The following PACRGL variants were observed in gnomAD, a reference collection of about 807,000 sequenced individuals.
PACRGL encodes PACRG-like protein.
PACRGL carries 38 observed loss-of-function variants against 34.5 expected under a neutral mutation model. The ratio of observed to expected loss-of-function variants is 1.10; its 90% CI spans 0.85 to 1.44. PACRGL has a LOEUF of 1.44. Among genes scored for constraint, PACRGL ranks in the 40% most tolerant of loss-of-function variants. The pLI is 0.00. For missense variants in PACRGL, 305 were observed against 281.4 expected (o/e 1.08, Z -0.60); for synonymous variants, 128 against 100.1 (o/e 1.28, Z -1.66).
At chr4:20,743,996 C>G (rs1231299136) in intron 8 of PACRGL, among the ~76,000 whole-genome samples, 1 of 151,848 alleles carries the variant, frequency 6.6e-6, no homozygotes, top group East Asian at 1.9e-4. Context: ...TATGCAGCCA[C>G]CAGACACATG....
Position 20,730,203 on chromosome 4 carries a change from A to G in PACRGL, c.*2862A>G. ...AAAGTACACTATTTTGCCCCTGAGT[A>G]TTGCCTCCTCCCATCAACCACCTCA... On this transcript the variant is annotated 3_prime_UTR_variant, in exon 9 of 9. Transcript: ENST00000503585. 6.7e-7 allele frequency: 1 copy of G among 1,499,864 alleles called. No homozygotes were observed. The highest frequency in any genetic ancestry group is 2.4e-5 in the East Asian group (1 of 41,346). The allele number at this position is 1,499,864 out of a possible 1,614,324, so 92.9% of individuals were successfully genotyped here.
At chr4:20,739,883 G>C (rs184795137) in intron 8 of PACRGL, among the ~76,000 whole-genome samples, 1 of 152,134 alleles carries the variant, frequency 6.6e-6, no homozygotes, top group South Asian at 2.1e-4. Flanking sequence ...AATAAACAGC[G>C]TAGAGAAGAC....
chr4:20,756,854 GTTC>G (rs1335913527), downstream of PACRGL, among the ~76,000 whole-genome samples: 1 of 151,618 alleles, frequency 6.6e-6, no homozygotes, highest in African/African-American at 2.4e-5. Context: ...TTTCCTTATG[GTTC>G]TTGACATGTG....
At chr4:20,750,552 T>A (rs1478860483) in intron 8 of PACRGL, among the ~76,000 whole-genome samples, 1 of 152,138 alleles carries the variant, frequency 6.6e-6, no homozygotes, top group African/African-American at 2.4e-5. Context: ...TTCTATTGGG[T>A]ATTCTTCCCC....
chr4:20,703,889 A>T (rs1281305957), intron 1 of PACRGL, among the ~76,000 whole-genome samples: 3 of 152,150 alleles, frequency 2.0e-5, no homozygotes, highest in African/African-American at 7.2e-5. Context: ...GACAATGGTG[A>T]TTCTAAGTTT....
At chr4:20,732,590 T>G, downstream of PACRGL, 2 of 787,144 alleles carry the variant, frequency 2.5e-6, no homozygotes, top group South Asian at 2.9e-5. Context: ...TTATTTTCCT[T>G]TGCTCTCTTT....
intron 7 of PACRGL, among the ~76,000 whole-genome samples, chr4:20,717,095 A>G (rs1374330749): frequency 6.6e-6 from 1 of 151,984 alleles, no homozygotes; most frequent in Non-Finnish European, 1.5e-5. Context: ...GATGATGAGC[A>G]TTTTTTCATG....
the PACRGL span, among the ~76,000 whole-genome samples, chr4:20,763,258 T>C: frequency 6.6e-6 from 1 of 152,176 alleles, no homozygotes; most frequent in Non-Finnish European, 1.5e-5. Flanking sequence ...GATTTTACAG[T>C]ATTTTGCTTT....
intron 5 of PACRGL, 192 bp from the exon 6 acceptor site, chr4:20,712,596 T>G (rs1444831519): frequency 6.5e-6 from 3 of 460,364 alleles, no homozygotes; most frequent in Non-Finnish European, 1.1e-5. Flanking sequence ...CAGTTTCCCT[T>G]GGGATACCAA....
At chr4:20,701,497 T>G (rs1387722973) in intron 1 of PACRGL, 2 of 164,972 alleles carry the variant, frequency 1.2e-5, no homozygotes, top group African/African-American at 4.8e-5. Context: ...ATAATATTTG[T>G]AACACAAAAT....
intron 6 of PACRGL, 33 bp downstream of exon 6, chr4:20,712,955 G>T: frequency 6.8e-7 from 1 of 1,463,738 alleles, no homozygotes; most frequent in Non-Finnish European, 9.1e-7. Flanking sequence ...CTTTATATTT[G>T]AAAACATGAT....
downstream of PACRGL, among the ~76,000 whole-genome samples, chr4:20,735,117 ACC>A (rs1347137858): frequency 1.4e-4 from 21 of 152,194 alleles, no homozygotes; most frequent in African/African-American, 5.1e-4. Flanking sequence ...TCAATGAAAA[ACC>A]GTTTGCTAAT....
rs1444594948 is a variant in PACRGL at position 20,717,275 on chromosome 4, C to G, written c.609+3736C>G. ...TAGATTGCAAAAATTTTTTCCCATT[C>G]TGTAGGTTGCCTGTTCACTCTGATG... is the stretch of plus-strand genomic sequence containing the variant. On this transcript the variant is annotated intron_variant, in intron 7 of 8. Coordinates refer to ENST00000503585, the MANE Select transcript of PACRGL (RefSeq NM_001258345.3). Among the ~76,000 whole-genome samples the G allele has an allele frequency of 1.1e-4, 16 of 152,140 alleles. No homozygotes were observed. In the East Asian group the frequency reaches 2.7e-3, roughly 26 times the overall value.
intron 4 of PACRGL, among the ~76,000 whole-genome samples, chr4:20,708,416 T>G (rs866424610): frequency 6.6e-6 from 1 of 152,038 alleles, no homozygotes. Context: ...TGATAGAAAA[T>G]TTTATTTTGA....
At chr4:20,708,913 G>C (rs1007270870) in intron 4 of PACRGL, among the ~76,000 whole-genome samples, 4 of 151,772 alleles carry the variant, frequency 2.6e-5, no homozygotes, top group African/African-American at 9.7e-5. Flanking sequence ...GATCACCTGA[G>C]GTCAGGAGTT....
intron 8 of PACRGL, among the ~76,000 whole-genome samples, chr4:20,743,886 A>G (rs1234270018): frequency 2.0e-5 from 3 of 152,118 alleles, no homozygotes; most frequent in Non-Finnish European, 4.4e-5. Context: ...CAAAGGGCTA[A>G]TATCCAGAAT....
chr4:20,706,353 G>A (rs1383967795), intron 3 of PACRGL, among the ~76,000 whole-genome samples: 1 of 152,118 alleles, frequency 6.6e-6, no homozygotes, highest in African/African-American at 2.4e-5. Context: ...TCATTTGCTT[G>A]TAGATGGTAG....
rs182839459 is a variant in PACRGL, at chr4:20,727,667, G to C, written c.*326G>C. ...TTTTTATTTATAACAACACTTTTTT[G>C]GCAATCAGTTTGTAGCTGTGCCCTT... On this transcript the variant is annotated 3_prime_UTR_variant, in exon 9 of 9. Transcript: ENST00000503585. 1.4e-3 allele frequency: 288 copies of C among 208,442 alleles called. 1 individual carries two copies. Among genetic ancestry groups the C allele is most frequent in the Admixed American group, 3.5e-3 (64 of 18,220 alleles). The allele number at this position is 208,442 out of a possible 1,614,324, so 12.9% of individuals were successfully genotyped here. A position where few individuals can be genotyped will look rare whatever the true frequency, so the allele number is the denominator to read the frequency against.
At chr4:20,756,172 T>TAAAA (rs61417409), downstream of PACRGL, among the ~76,000 whole-genome samples, 3 of 139,262 alleles carry the variant, frequency 2.2e-5, no homozygotes, top group African/African-American at 7.9e-5. Context: ...TGGAAAGTAG[T>TAAAA]AAAAAAAAAA....
Sources: gnomAD v4.1 joint callset for allele counts (sites outside exome capture counted in the v4.1 genomes callset) on GRCh38, gnomAD v4.1.1 for gene constraint, MANE v1.5 for transcripts, NCBI Gene and HGNC (gene_info 2026-07-23, HGNC 2026-07-21) for gene names.